The following ZNF385D variants were observed in gnomAD, a reference collection of about 807,000 sequenced individuals.
The protein encoded by ZNF385D is zinc finger protein 385D.
Under a neutral mutation model 35.8 loss-of-function variants are expected in ZNF385D, and 15 were observed. The observed-to-expected ratio is 0.42, with a 90% CI of 0.28 to 0.64. ZNF385D has a LOEUF of 0.64. Ranked by LOEUF, ZNF385D falls within the 30% of genes least tolerant of loss-of-function variation. The pLI is 0.23. For synonymous variants in ZNF385D, 212 were observed against 186.8 expected (o/e 1.13, Z -1.10); for missense variants, 474 against 494.6 (o/e 0.96, Z 0.39).
At position 22,057,894 on chromosome 3, in the gene ZNF385D, A is replaced by T. The variant is rs191240122; in HGVS notation, c.325+110923T>A. Among the ~76,000 whole-genome samples the T allele has an allele frequency of 5.3e-5, 8 of 152,348 alleles. No homozygotes were observed. The East Asian group carries it at 1.5e-3, about 29-fold the overall frequency. ...AATGGACAAATAGGTAAATTGAAAT[A>T]AAGACTGATGGAGAAAATCATTACA... is the stretch of plus-strand genomic sequence containing the variant. On this transcript the variant is annotated intron_variant, in intron 3 of 5. Coordinates refer to the ZNF385D transcript ENST00000494108.
chr3:21,830,975 T>A (rs1359965257), intron 3 of ZNF385D, among the ~76,000 whole-genome samples: 2 of 152,162 alleles, frequency 1.3e-5, no homozygotes, highest in Non-Finnish European at 2.9e-5. Flanking sequence ...AACTAGTATT[T>A]GGGTTTCTAA....
intron 2 of ZNF385D, among the ~76,000 whole-genome samples, chr3:22,196,318 G>A (rs1158938161): frequency 1.3e-5 from 2 of 151,828 alleles, no homozygotes; most frequent in Non-Finnish European, 2.9e-5. Context: ...AATATTCTTT[G>A]TCATTCTTTT....
chr3:21,725,556 C>T (rs1482709434), intron 1 of ZNF385D, among the ~76,000 whole-genome samples: 2 of 152,010 alleles, frequency 1.3e-5, no homozygotes, highest in Non-Finnish European at 2.9e-5. Context: ...TATAAACACT[C>T]CTACACAAAT....
At position 22,331,203 on chromosome 3, in the gene ZNF385D, TTTA is replaced by T. The variant is rs539372161; in HGVS notation, c.106+41244_106+41246del. Reference sequence around the variant, plus strand: ...TTCTAAACATCAGTAATGCAGGCCATTTATTATTTTTTTTAGTTTATATCATGC... The same window carrying T: ...TTCTAAACATCAGTAATGCAGGCCATTTATTTTTTTTAGTTTATATCATGC... On this transcript the variant is annotated intron_variant, in intron 2 of 5. Transcript: ENST00000494108. Among the ~76,000 whole-genome samples the T allele has an allele frequency of 3.0e-3, 457 of 152,290 alleles. 3 individuals carry two copies. The highest frequency in any genetic ancestry group is 9.1e-3 in the African/African-American group (379 of 41,562).
intron 3 of ZNF385D, among the ~76,000 whole-genome samples, chr3:21,933,951 T>C (rs936576677): frequency 1.3e-5 from 2 of 152,110 alleles, no homozygotes; most frequent in African/African-American, 4.8e-5. Flanking sequence ...AGTTGCCTGG[T>C]GCATTGTTGC....
At chr3:21,749,195 A>C (rs2069933135) in intron 1 of ZNF385D, among the ~76,000 whole-genome samples, 1 of 152,184 alleles carries the variant, frequency 6.6e-6, no homozygotes, top group Non-Finnish European at 1.5e-5. Context: ...CTTGCATTAC[A>C]CAATGAAATT....
intron 4 of ZNF385D, among the ~76,000 whole-genome samples, chr3:21,437,681 T>C (rs1454114856): frequency 1.1e-5 from 1 of 89,872 alleles, no homozygotes; most frequent in East Asian, 3.2e-4. Flanking sequence ...CAGGTACAGA[T>C]CCTTTTGCAA....
chr3:21,750,098 T>C (rs1422765893), intron 1 of ZNF385D, among the ~76,000 whole-genome samples: 1 of 152,230 alleles, frequency 6.6e-6, no homozygotes, highest in Non-Finnish European at 1.5e-5. Context: ...AGTCCTTATC[T>C]TTGACTTCTT....
At chr3:21,523,626 C>T (rs1464316674) in intron 3 of ZNF385D, among the ~76,000 whole-genome samples, 1 of 152,102 alleles carries the variant, frequency 6.6e-6, no homozygotes, top group Non-Finnish European at 1.5e-5. Flanking sequence ...TTGCTTATAT[C>T]CCCAAATGTG....
intron 3 of ZNF385D, among the ~76,000 whole-genome samples, chr3:21,901,116 TTTTA>T (rs1297232159): frequency 2.0e-5 from 3 of 152,224 alleles, no homozygotes; most frequent in Non-Finnish European, 4.4e-5. Flanking sequence ...GGCTGCATTA[TTTTA>T]TTTAATTCTC....
intron 3 of ZNF385D, among the ~76,000 whole-genome samples, chr3:21,919,574 T>A (rs1575915532): frequency 6.6e-6 from 1 of 152,310 alleles, no homozygotes; most frequent in Non-Finnish European, 1.5e-5. Flanking sequence ...ACAGCCACAT[T>A]TCCACTTCAA....
intron 4 of ZNF385D, among the ~76,000 whole-genome samples, chr3:21,483,179 G>GGGTT (rs1704762062): frequency 6.6e-6 from 1 of 152,050 alleles, no homozygotes; most frequent in Non-Finnish European, 1.5e-5. Flanking sequence ...CCTAAATCCT[G>GGGTT]GGAACTATGC....
chr3:21,925,782 TA>T (rs200407797), intron 3 of ZNF385D, among the ~76,000 whole-genome samples: 1 of 151,580 alleles, frequency 6.6e-6, no homozygotes, highest in African/African-American at 2.4e-5. Flanking sequence ...AACTTGACAG[TA>T]AAAAAAACCC....
At chr3:22,217,497 T>C (rs1413254201) in intron 2 of ZNF385D, among the ~76,000 whole-genome samples, 1 of 152,160 alleles carries the variant, frequency 6.6e-6, no homozygotes, top group Non-Finnish European at 1.5e-5. Flanking sequence ...GAATTACCTC[T>C]ACAATGACCC....
chr3:22,222,143 A>C (rs1251654701), intron 2 of ZNF385D, among the ~76,000 whole-genome samples: 1 of 151,856 alleles, frequency 6.6e-6, no homozygotes, highest in African/African-American at 2.4e-5. Context: ...CTCCCAGCTA[A>C]TTTTTATATT....
intron 1 of ZNF385D, among the ~76,000 whole-genome samples, chr3:21,724,176 A>C (rs893965971): frequency 1.3e-5 from 2 of 152,138 alleles, no homozygotes; most frequent in South Asian, 2.1e-4. Flanking sequence ...AGGAGCATCC[A>C]GTACCAGCCA....
intron 3 of ZNF385D, among the ~76,000 whole-genome samples, chr3:21,562,539 G>GTTTA (rs1353081554): frequency 3.3e-5 from 5 of 152,084 alleles, no homozygotes; most frequent in African/African-American, 1.2e-4. Context: ...CTAATTCCTA[G>GTTTA]TTTAAAAGAA....
rs540127029 is a variant in ZNF385D, at chr3:21,507,669, C to T, written c.439+3192G>A. On this transcript the variant is annotated intron_variant, in intron 4 of 7. Transcript: ENST00000281523. ...CAGTCCAGTCTCAAAGTCCCAGATG[C>T]AAGGAATTGTTTGTGCCTCAGCCTT... is the stretch of plus-strand genomic sequence containing the variant. 1.6e-4 allele frequency among the ~76,000 whole-genome samples: 25 copies of T among 152,214 alleles called. No homozygotes were observed. The South Asian group carries it at 5.2e-3, about 32-fold the overall frequency.
intron 5 of ZNF385D, among the ~76,000 whole-genome samples, chr3:21,426,659 G>A (rs1040344728): frequency 1.3e-5 from 2 of 151,870 alleles, no homozygotes; most frequent in African/African-American, 4.8e-5. Flanking sequence ...AGTTTCCCCT[G>A]CCTATTTGAA....
Sources: gnomAD v4.1 joint callset for allele counts (sites outside exome capture counted in the v4.1 genomes callset) on GRCh38, gnomAD v4.1.1 for gene constraint, MANE v1.5 for transcripts, NCBI Gene and HGNC (gene_info 2026-07-23, HGNC 2026-07-21) for gene names.